GPHN: variants seen among roughly 807,000 people sequenced by gnomAD.
GPHN encodes gephyrin.
A neutral mutation model predicts 95.5 loss-of-function variants in GPHN; 17 were observed. That is an observed-to-expected ratio of 0.18 (90% CI 0.12 to 0.27). The LOEUF is 0.27. GPHN is among the 10% of genes least tolerant of loss of function. GPHN has a pLI of 1.00. For synonymous variants in GPHN, 320 were observed against 322.5 expected, an observed-to-expected ratio of 0.99 and a Z score of 0.08; for missense variants, 660 against 978.1, an observed-to-expected ratio of 0.67 and a Z score of 4.34.
Position 67,011,389 on chromosome 14 carries a change from A to G in GPHN, c.964-12244A>G, listed in dbSNP as rs539908645. Among the ~76,000 whole-genome samples the G allele has an allele frequency of 4.6e-5, 7 of 151,340 alleles. No homozygotes were observed. In the South Asian group the frequency reaches 1.3e-3, roughly 27 times the overall value. ...AGAGTTTGTGACCAGCCTGGACAAC[A>G]TAGGGTGACCCCACCTCTACAAAAA... On this transcript the variant is annotated intron_variant, in intron 9 of 22. Coordinates refer to ENST00000478722, the MANE Select transcript of GPHN (RefSeq NM_020806.5).
chr14:67,562,369 T>TG, the GPHN span: 1 of 1,613,552 alleles, frequency 6.2e-7, no homozygotes, highest in Non-Finnish European at 8.5e-7. Flanking sequence ...CGGTCCATTC[T>TG]GGGGAAACAG....
chr14:67,643,422 G>C, the GPHN span, among the ~76,000 whole-genome samples: 1 of 152,208 alleles, frequency 6.6e-6, no homozygotes, highest in African/African-American at 2.4e-5. Context: ...TGAAGTACTA[G>C]GAGTATTGAG....
chr14:67,679,069 C>T, the GPHN span, among the ~76,000 whole-genome samples: 1 of 152,288 alleles, frequency 6.6e-6, no homozygotes, highest in East Asian at 1.9e-4. Context: ...ATTATGGAAG[C>T]TGAGAAGTCC....
chr14:67,443,191 A>C, the GPHN span, among the ~76,000 whole-genome samples: 7 of 152,174 alleles, frequency 4.6e-5, no homozygotes. Context: ...ACTGCACTCC[A>C]GCCTGGGCAA....
chr14:66,572,617 C>G lies in GPHN; in HGVS notation c.64+64026C>G, dbSNP rs187560170. 2.1e-3 allele frequency among the ~76,000 whole-genome samples: 318 copies of G among 150,776 alleles called. 1 individual carries two copies. The highest frequency in any genetic ancestry group is 7.2e-3 in the African/African-American group (296 of 41,162). On this transcript the variant is annotated intron_variant, in intron 1 of 22. Coordinates refer to ENST00000478722, the MANE Select transcript of GPHN (RefSeq NM_020806.5). ...CTGATATTTGTACGTGGTTTTGGAT[C>G]TTAAAACTTTACTGAATCTTTGGTT...
intron 3 of GPHN, among the ~76,000 whole-genome samples, chr14:66,778,726 C>CTTTTTTT (rs759940498): frequency 1.3e-4 from 8 of 59,346 alleles, no homozygotes; most frequent in African/African-American, 4.5e-4. Context: ...ACTCAAGGGG[C>CTTTTTTT]TTTTTTTTTT....
the GPHN span, chr14:67,353,100 C>A: frequency 5.5e-6 from 7 of 1,278,742 alleles, no homozygotes; most frequent in Non-Finnish European, 4.4e-6. Context: ...ACAAAAAAAA[C>A]CCTCCCCACC....
At chr14:67,579,061 A>T in the GPHN span, 2 of 1,052,886 alleles carry the variant, frequency 1.9e-6, no homozygotes, top group Non-Finnish European at 2.8e-6. Context: ...GGCTGAGTCT[A>T]GATAGGGATC....
chr14:67,162,138 A>G (rs2082017943), intron 19 of GPHN, among the ~76,000 whole-genome samples: 1 of 152,134 alleles, frequency 6.6e-6, no homozygotes, highest in Non-Finnish European at 1.5e-5. Flanking sequence ...ATAACAAAAT[A>G]TTTTTTTGCA....
intron 1 of GPHN, among the ~76,000 whole-genome samples, chr14:66,659,923 G>C (rs2065539313): frequency 6.6e-6 from 1 of 151,864 alleles, no homozygotes; most frequent in Non-Finnish European, 1.5e-5. Flanking sequence ...TTAATTATCT[G>C]TAGGAGCTTA....
At chr14:67,130,465 C>T (rs1048387310) in intron 17 of GPHN, among the ~76,000 whole-genome samples, 4 of 152,178 alleles carry the variant, frequency 2.6e-5, no homozygotes, top group Admixed American at 6.5e-5. Flanking sequence ...TTTTCTATAG[C>T]TGTGTACTAT....
At chr14:67,111,827 C>A (rs1210861896) in intron 14 of GPHN, 34 bp from the exon 15 acceptor site, 2 of 1,554,374 alleles carry the variant, frequency 1.3e-6, no homozygotes. Flanking sequence ...CTCAGAAATT[C>A]TGTTTGAAAT....
intron 9 of GPHN, among the ~76,000 whole-genome samples, chr14:66,976,917 G>GGGT (rs2070273579): frequency 1.3e-5 from 1 of 77,936 alleles, no homozygotes; most frequent in African/African-American, 9.8e-5. Flanking sequence ...GAAATATGTG[G>GGGT]GGGGGGGGGG....
At chr14:67,453,758 T>A in the GPHN span, among the ~76,000 whole-genome samples, 61 of 152,190 alleles carry the variant, frequency 4.0e-4, no homozygotes, top group Admixed American at 2.0e-3. Flanking sequence ...GTTCCAGAGC[T>A]GTGGAGAGAG....
rs1053296791 is a variant in GPHN, at chr14:66,851,272, C to G, written c.294+26706C>G. Among the ~76,000 whole-genome samples, 8 of 152,042 alleles carry G rather than the reference C, an allele frequency of 5.3e-5. No homozygotes were observed. In the East Asian group the frequency reaches 1.5e-3, roughly 29 times the overall value. ...ATATTATCAGTGTCCCAGAAAATGGCCCTTGTTCCCCCTTACAGTCACAGC... is the reference window on the plus strand; with the variant it reads ...ATATTATCAGTGTCCCAGAAAATGGGCCTTGTTCCCCCTTACAGTCACAGC... On this transcript the variant is annotated intron_variant, in intron 4 of 22. Coordinates refer to ENST00000478722, the MANE Select transcript of GPHN (RefSeq NM_020806.5).
At chr14:66,734,489 G>T (rs2072079986) in intron 2 of GPHN, among the ~76,000 whole-genome samples, 1 of 152,064 alleles carries the variant, frequency 6.6e-6, no homozygotes, top group East Asian at 1.9e-4. Context: ...TCTTCAGATA[G>T]GCCTTCTCCA....
At chr14:66,980,989 C>T (rs1176500236) in intron 9 of GPHN, among the ~76,000 whole-genome samples, 3 of 152,176 alleles carry the variant, frequency 2.0e-5, no homozygotes, top group Non-Finnish European at 4.4e-5. Context: ...GCAGAGGTTG[C>T]GGTGAGCCGA....
chr14:66,613,592 T>G (rs1298158837), intron 1 of GPHN, among the ~76,000 whole-genome samples: 2 of 152,172 alleles, frequency 1.3e-5, no homozygotes, highest in African/African-American at 4.8e-5. Flanking sequence ...GTGAAAGAGC[T>G]TCAAGTATTG....
the GPHN span, among the ~76,000 whole-genome samples, chr14:67,208,677 G>A: frequency 1.3e-5 from 2 of 152,034 alleles, no homozygotes; most frequent in Non-Finnish European, 1.5e-5. Flanking sequence ...GGCATTCTGG[G>A]CTGTCTACCT....
Sources: gnomAD v4.1 joint callset for allele counts (sites outside exome capture counted in the v4.1 genomes callset) on GRCh38, gnomAD v4.1.1 for gene constraint, MANE v1.5 for transcripts, NCBI Gene and HGNC (gene_info 2026-07-23, HGNC 2026-07-21) for gene names.